TRAPPC11: variants seen among roughly 807,000 people sequenced by gnomAD.
TRAPPC11 encodes the protein foie gras homolog.
Under a neutral mutation model 151.2 loss-of-function variants are expected in TRAPPC11, and 104 were observed. The ratio of observed to expected loss-of-function variants is 0.69; its 90% CI spans 0.59 to 0.81. The LOEUF (loss-of-function observed/expected upper bound fraction) is 0.81, where lower values mean the gene tolerates loss of function less well. TRAPPC11 is among the 30% of genes least tolerant of loss of function. TRAPPC11 has a pLI of 0.00. For synonymous variants in TRAPPC11, 456 were observed against 472.3 expected (o/e 0.97, Z 0.45); for missense variants, 1,230 against 1,349.6 (o/e 0.91, Z 1.39).
intron 11 of TRAPPC11, 74 bp from the exon 12 acceptor site, chr4:183,683,901 T>C (rs1172418242): frequency 9.5e-6 from 11 of 1,157,234 alleles, no homozygotes; most frequent in Non-Finnish European, 1.4e-5. Flanking sequence ...TCAAGGAGTG[T>C]ACACATACAA....
At chr4:183,672,494 A>G (rs1735202134) in intron 5 of TRAPPC11, among the ~76,000 whole-genome samples, 1 of 152,184 alleles carries the variant, frequency 6.6e-6, no homozygotes, top group Non-Finnish European at 1.5e-5. Context: ...TCTTGACTAG[A>G]TTTGTCGTTT....
chr4:183,666,977 G>T lies in TRAPPC11; in HGVS notation c.375-83G>T. On this transcript the variant is annotated intron_variant, in intron 3 of 29. Transcript: ENST00000334690. ...AGTTGAAATTTATCTTCGGTTGAAT[G>T]ACCAAGGTTGTATTTTATGTGAAGT... The T allele has an allele frequency of 2.5e-6, 3 of 1,181,712 alleles. No individual in the cohort carries two copies. In the South Asian group the frequency reaches 4.9e-5, roughly 19 times the overall value. The allele number at this position is 1,181,712 out of a possible 1,614,324, so 73.2% of individuals were successfully genotyped here. A position where few individuals can be genotyped will look rare whatever the true frequency, so the allele number is the denominator to read the frequency against.
At chr4:183,688,980 G>A (rs1424277857) in intron 18 of TRAPPC11, among the ~76,000 whole-genome samples, 1 of 151,992 alleles carries the variant, frequency 6.6e-6, no homozygotes, top group Non-Finnish European at 1.5e-5. Flanking sequence ...GGCTCAAGGA[G>A]CCCACCCACC....
At chr4:183,659,475 G>T (rs1233520226) in intron 1 of TRAPPC11, 28 bp downstream of exon 1, 1 of 153,676 alleles carries the variant, frequency 6.5e-6, no homozygotes, top group Non-Finnish European at 1.4e-5. Context: ...GACCCGCGGG[G>T]CCAGGCGGGA....
chr4:183,680,865 G>A (rs141532240), intron 10 of TRAPPC11, among the ~76,000 whole-genome samples: 2,352 of 151,566 alleles, frequency 0.016, 23 homozygotes, highest in South Asian at 0.023. Context: ...GCTAATTTTT[G>A]TACTTTTAGT....
At chr4:183,692,021 A>G (rs1275713054) in intron 19 of TRAPPC11, among the ~76,000 whole-genome samples, 1 of 152,204 alleles carries the variant, frequency 6.6e-6, no homozygotes, top group Admixed American at 6.5e-5. Context: ...TCTGGAGCCA[A>G]ACTGTATGGG....
At chr4:183,665,194 G>T (rs75711572) in intron 2 of TRAPPC11, among the ~76,000 whole-genome samples, 1 of 148,006 alleles carries the variant, frequency 6.8e-6, no homozygotes, top group Non-Finnish European at 1.5e-5. Flanking sequence ...TCCTGGGTTC[G>T]TGCCATTCTC....
At chr4:183,707,526 G>A (rs1354025810) in intron 28 of TRAPPC11, among the ~76,000 whole-genome samples, 1 of 152,100 alleles carries the variant, frequency 6.6e-6, no homozygotes, top group Non-Finnish European at 1.5e-5. Context: ...TGAGAGTCCT[G>A]TCCTCCACTG....
chr4:183,694,779 G>A (rs1249893447), intron 23 of TRAPPC11, 56 bp downstream of exon 23: 7 of 1,554,280 alleles, frequency 4.5e-6, no homozygotes, highest in African/African-American at 1.4e-5. Context: ...CCCATTTTGT[G>A]TTATTTTAGT....
chr4:183,673,660 C>T lies in TRAPPC11; in HGVS notation c.561-1053C>T, dbSNP rs186676244. 1.7e-3 allele frequency among the ~76,000 whole-genome samples: 255 copies of T among 151,918 alleles called. 1 individual carries two copies. Among genetic ancestry groups the T allele is most frequent in the African/African-American group, 5.8e-3 (242 of 41,420 alleles). On this transcript the variant is annotated intron_variant, in intron 5 of 29. Transcript: ENST00000334690. ...CTGCACTCCAGCCTGGGCAACAGAG[C>T]GGGACCCTGTCTCAAAAATGAAATG... is the stretch of plus-strand genomic sequence containing the variant.
intron 10 of TRAPPC11, among the ~76,000 whole-genome samples, chr4:183,681,503 G>T (rs979096400): frequency 6.6e-6 from 1 of 152,134 alleles, no homozygotes; most frequent in Non-Finnish European, 1.5e-5. Flanking sequence ...TTAATGGGCC[G>T]GGTGCGGTGG....
chr4:183,687,229 C>T (rs1020330469), intron 18 of TRAPPC11, among the ~76,000 whole-genome samples: 3 of 152,038 alleles, frequency 2.0e-5, no homozygotes, highest in Non-Finnish European at 4.4e-5. Context: ...TTCAAGTTTA[C>T]ACTTTGCTTA....
intron 2 of TRAPPC11, among the ~76,000 whole-genome samples, chr4:183,664,301 C>T (rs1358549333): frequency 6.6e-6 from 1 of 151,974 alleles, no homozygotes; most frequent in Non-Finnish European, 1.5e-5. Context: ...ATCCTATGAG[C>T]CCAGGTTTTC....
intron 14 of TRAPPC11, 138 bp downstream of exon 14, chr4:183,684,497 T>A: frequency 1.9e-6 from 2 of 1,054,862 alleles, no homozygotes; most frequent in South Asian, 1.6e-5. Context: ...TAATGTTTTT[T>A]TCAAGTGCTA....
Position 183,709,083 on chromosome 4 carries a change from G to T in TRAPPC11, c.3357+509G>T, listed in dbSNP as rs926288224. ...GTAAGAGTGAATTGGAGGGATGAGT[G>T]GTTAATTTAGCTCAGCAGCCCACCT... is the stretch of plus-strand genomic sequence containing the variant. On this transcript the variant is annotated intron_variant, in intron 29 of 29. Coordinates refer to ENST00000334690, the MANE Select transcript of TRAPPC11 (RefSeq NM_021942.6). Among the ~76,000 whole-genome samples, 5 of 152,052 alleles carry T rather than the reference G, an allele frequency of 3.3e-5. No homozygotes were observed. In the South Asian group the frequency reaches 6.2e-4, roughly 19 times the overall value.
chr4:183,680,349 A>T lies in TRAPPC11; in HGVS notation c.1113+82A>T, dbSNP rs1349286306. The T allele has an allele frequency of 1.0e-5, 14 of 1,394,152 alleles. No individual in the cohort carries two copies. In the East Asian group the frequency reaches 3.0e-4, roughly 30 times the overall value. 86.4% of individuals were successfully genotyped at this position (1,394,152 alleles called of 1,614,324 possible). ...GAAGCTAGAACTGATTGGTGTTGAT[A>T]ATTTTTTCCAAGTCTTTAAATTTAA... On this transcript the variant is annotated intron_variant, in intron 10 of 29. Transcript: ENST00000334690.
intron 10 of TRAPPC11, among the ~76,000 whole-genome samples, chr4:183,682,115 G>T (rs574878250): frequency 6.6e-6 from 1 of 152,208 alleles, no homozygotes; most frequent in Non-Finnish European, 1.5e-5. Context: ...TAACAAATTT[G>T]TGCATGTGAA....
At chr4:183,678,733 C>T (rs149022878) in intron 8 of TRAPPC11, among the ~76,000 whole-genome samples, 1 of 152,238 alleles carries the variant, frequency 6.6e-6, no homozygotes, top group Non-Finnish European at 1.5e-5. Flanking sequence ...GGCTGAGAGA[C>T]AGGAATGGAT....
At position 183,668,262 on chromosome 4, in the gene TRAPPC11, C is replaced by A. The variant is rs1579162133; in HGVS notation, c.560+145C>A. ...GAGGCTATGGGGTAAAAATAAAAGT[C>A]TTTTTTGTTAAATTCTTAACCCTCT... On this transcript the variant is annotated intron_variant, in intron 5 of 29. Transcript: ENST00000334690. The A allele has an allele frequency of 1.6e-5, 8 of 497,482 alleles. No homozygotes were observed. The South Asian group carries it at 3.2e-4, about 20-fold the overall frequency. 30.8% of individuals were successfully genotyped at this position (497,482 alleles called of 1,614,324 possible). A position where few individuals can be genotyped will look rare whatever the true frequency, so the allele number is the denominator to read the frequency against.
Sources: allele counts gnomAD v4.1 joint callset (sites outside exome capture counted in the v4.1 genomes callset), GRCh38; gene constraint gnomAD v4.1.1; transcripts MANE v1.5; gene names NCBI Gene and HGNC (gene_info 2026-07-23, HGNC 2026-07-21).